ATRNL1: variants seen among roughly 807,000 people sequenced by gnomAD.
ATRNL1 encodes the protein attractin like 1.
A neutral mutation model predicts 182.7 loss-of-function variants in ATRNL1; 95 were observed. The ratio of observed to expected loss-of-function variants is 0.52; its 90% confidence interval spans 0.44 to 0.62. The LOEUF is 0.62. Ranked by LOEUF, ATRNL1 falls within the 20% of genes least tolerant of loss-of-function variation. The probability of loss-of-function intolerance (pLI) is 0.00; values close to 1 mark genes in which losing one functional copy is unlikely to be tolerated. For synonymous variants in ATRNL1, 576 were observed against 568.3 expected, an observed-to-expected ratio of 1.01 and a Z score of -0.19; for missense variants, 1,471 against 1,679.5, an observed-to-expected ratio of 0.88 and a Z score of 2.17.
At chr10:115,456,127 A>G (rs1269564457) in intron 21 of ATRNL1, among the ~76,000 whole-genome samples, 9 of 152,222 alleles carry the variant, frequency 5.9e-5, no homozygotes, top group African/African-American at 2.2e-4. Context: ...TAGCAATCCC[A>G]TTACTGGGTA....
At chr10:115,664,225 G>T (rs1860871336) in intron 26 of ATRNL1, among the ~76,000 whole-genome samples, 2 of 152,152 alleles carry the variant, frequency 1.3e-5, no homozygotes, top group Non-Finnish European at 2.9e-5. Flanking sequence ...CTCACAGTCA[G>T]TATTATGCTG....
intron 24 of ATRNL1, among the ~76,000 whole-genome samples, chr10:115,485,298 C>T (rs2134630503): frequency 6.6e-6 from 1 of 151,938 alleles, no homozygotes; most frequent in Admixed American, 6.6e-5. Flanking sequence ...TTTATAACTT[C>T]CTCTATTTCA....
chr10:115,828,610 C>G (rs1417755921), intron 27 of ATRNL1, among the ~76,000 whole-genome samples: 1 of 152,134 alleles, frequency 6.6e-6, no homozygotes, highest in Non-Finnish European at 1.5e-5. Context: ...TTTCTAATTC[C>G]TCAGGATTTA....
In ATRNL1 at chr10:115,594,567, C is replaced by T. The variant is rs1453042157; in HGVS notation, c.3795+45031C>T. Among the ~76,000 whole-genome samples, 27 of 152,298 alleles carry T rather than the reference C, an allele frequency of 1.8e-4. 1 individual carries two copies. The highest frequency in any genetic ancestry group is 2.9e-5 in the Non-Finnish European group (2 of 68,014). On this transcript the variant is annotated intron_variant, in intron 26 of 28. Coordinates refer to ENST00000355044, the MANE Select transcript of ATRNL1 (RefSeq NM_207303.4). ...TTTCACCCAGGCTGGAGTGCAGTGG[C>T]GCGATCGTGGCTCACCGCAATCTCC...
chr10:115,158,618 G>A (rs1554882586), intron 5 of ATRNL1, among the ~76,000 whole-genome samples: 1 of 151,730 alleles, frequency 6.6e-6, no homozygotes, highest in East Asian at 1.9e-4. Context: ...TGTAAGCATT[G>A]AAAAAAATCT....
chr10:115,184,517 A>G (rs1368578863), intron 8 of ATRNL1, among the ~76,000 whole-genome samples: 5 of 151,778 alleles, frequency 3.3e-5, no homozygotes, highest in African/African-American at 1.2e-4. Flanking sequence ...ATATAGTTAC[A>G]CATGCTAATT....
At position 115,311,839 on chromosome 10, in the gene ATRNL1, C is replaced by A. The variant is rs1366747547; in HGVS notation, c.2819-3679C>A. ...GTAATATCTTCTTGTTGCATTGATACTTTTATCATTATATAATGAACTTCT... is the reference window on the plus strand; with the variant it reads ...GTAATATCTTCTTGTTGCATTGATAATTTTATCATTATATAATGAACTTCT... On this transcript the variant is annotated intron_variant, in intron 17 of 28. Transcript: ENST00000355044. Among the ~76,000 whole-genome samples, 3 of 151,704 alleles carry A rather than the reference C, an allele frequency of 2.0e-5. No homozygotes were observed. The East Asian group carries it at 5.8e-4, about 29-fold the overall frequency.
At chr10:115,321,671 C>CTTTTT (rs528619167) in intron 18 of ATRNL1, among the ~76,000 whole-genome samples, 1 of 125,810 alleles carries the variant, frequency 7.9e-6, no homozygotes, top group African/African-American at 3.0e-5. Flanking sequence ...AAGGTGAAAG[C>CTTTTT]TTTTTTTTTT....
chr10:115,652,819 T>C (rs1459140664), intron 26 of ATRNL1, among the ~76,000 whole-genome samples: 3 of 152,118 alleles, frequency 2.0e-5, no homozygotes, highest in Admixed American at 6.6e-5. Context: ...TTTTCTGAGG[T>C]TATCTTATGT....
At chr10:115,104,120 CT>C (rs1312839857) in intron 1 of ATRNL1, among the ~76,000 whole-genome samples, 60 of 152,290 alleles carry the variant, frequency 3.9e-4, no homozygotes, top group African/African-American at 1.4e-3. Flanking sequence ...AACCTGCAAA[CT>C]GTTCTGCATA....
intron 8 of ATRNL1, among the ~76,000 whole-genome samples, chr10:115,184,424 C>CTA (rs144965834): frequency 2.0e-3 from 293 of 149,040 alleles, no homozygotes; most frequent in African/African-American, 6.0e-3. Flanking sequence ...CTATGTATAA[C>CTA]TATATATATA....
chr10:115,478,768 T>C (rs1848637997), intron 24 of ATRNL1, among the ~76,000 whole-genome samples: 1 of 151,746 alleles, frequency 6.6e-6, no homozygotes, highest in African/African-American at 2.4e-5. Context: ...ATTTAAAGTA[T>C]ATGAAAATAG....
At position 115,171,141 on chromosome 10, in the gene ATRNL1, T is replaced by G; in HGVS notation, c.1197T>G (p.Thr399=). Residue 399 remains threonine, a synonymous_variant, in exon 8 of 29, where the codon ACT becomes ACG. Transcript: ENST00000355044. ...ATAGTCAGTCATGGAGTACAAAAAC[T>G]CCTACTGTTCTTGGACATGGTCAGC... ...NIHSQSWSTK[T]PTVLGHGQQY... The G allele has an allele frequency of 6.2e-7, 1 of 1,611,434 alleles. No homozygotes were observed. Among genetic ancestry groups the G allele is most frequent in the Non-Finnish European group, 8.5e-7 (1 of 1,178,240 alleles).
At chr10:115,849,833 C>T (rs537463277) in intron 28 of ATRNL1, among the ~76,000 whole-genome samples, 19 of 152,198 alleles carry the variant, frequency 1.2e-4, no homozygotes, top group African/African-American at 4.3e-4. Flanking sequence ...GGTAATTGTT[C>T]CTGATGATTT....
At chr10:115,641,182 A>G (rs1859223257) in intron 26 of ATRNL1, among the ~76,000 whole-genome samples, 1 of 152,214 alleles carries the variant, frequency 6.6e-6, no homozygotes, top group Non-Finnish European at 1.5e-5. Flanking sequence ...AAACAGCAAA[A>G]CAATAATATA....
intron 21 of ATRNL1, among the ~76,000 whole-genome samples, chr10:115,440,582 G>A (rs1246965403): frequency 6.6e-6 from 1 of 151,628 alleles, no homozygotes; most frequent in African/African-American, 2.4e-5. Flanking sequence ...CTTTCCTAGT[G>A]CCCTGCTGTC....
intron 27 of ATRNL1, among the ~76,000 whole-genome samples, chr10:115,793,769 G>A (rs1404745064): frequency 6.6e-6 from 1 of 152,110 alleles, no homozygotes; most frequent in African/African-American, 2.4e-5. Flanking sequence ...CGATGAATAA[G>A]GGTGCAAATG....
intron 19 of ATRNL1, among the ~76,000 whole-genome samples, chr10:115,380,475 A>AC (rs1444359541): frequency 1.3e-5 from 2 of 151,330 alleles, no homozygotes; most frequent in African/African-American, 4.9e-5. Flanking sequence ...TGTTTTCATC[A>AC]CCCCCCTCTA....
chr10:115,574,133 G>A (rs1397490832), intron 26 of ATRNL1, among the ~76,000 whole-genome samples: 2 of 151,720 alleles, frequency 1.3e-5, no homozygotes, highest in East Asian at 3.9e-4. Flanking sequence ...GCAAACTACA[G>A]CTGCAGTTTT....
Sources: allele counts gnomAD v4.1 joint callset (sites outside exome capture counted in the v4.1 genomes callset), GRCh38; gene constraint gnomAD v4.1.1; transcripts MANE v1.5; gene names NCBI Gene and HGNC (gene_info 2026-07-23, HGNC 2026-07-21).